Variants in NDST3 observed in about 807,000 individuals in gnomAD.
The protein encoded by NDST3 is bifunctional heparan sulfate N-deacetylase/N-sulfotransferase 3.
In NDST3, 58 loss-of-function variants were observed where a neutral mutation model predicts 96.1. That is an observed-to-expected ratio of 0.60 (90% CI 0.49 to 0.75). The LOEUF (loss-of-function observed/expected upper bound fraction) is 0.75. Ranked by LOEUF, NDST3 falls within the 30% of genes least tolerant of loss-of-function variation. The probability of loss-of-function intolerance (pLI) is 0.00; values close to 1 mark genes in which losing one functional copy is unlikely to be tolerated. For synonymous variants in NDST3, 333 were observed against 359.7 expected, an observed-to-expected ratio of 0.93 and a Z score of 0.84; for missense variants, 788 against 1,034.2, an observed-to-expected ratio of 0.76 and a Z score of 3.27.
At chr4:118,254,822 T>C (rs1412063056) in intron 13 of NDST3, among the ~76,000 whole-genome samples, 1 of 152,192 alleles carries the variant, frequency 6.6e-6, no homozygotes, top group East Asian at 1.9e-4. Flanking sequence ...TTTTTGTGCC[T>C]TGCCTGATAG....
intron 3 of NDST3, among the ~76,000 whole-genome samples, chr4:118,106,911 A>G (rs1422557696): frequency 1.3e-5 from 2 of 152,158 alleles, no homozygotes; most frequent in Non-Finnish European, 2.9e-5. Context: ...TAACACAGTG[A>G]AAACCTGTCT....
chr4:118,157,598 AT>A (rs1314753893), intron 6 of NDST3, among the ~76,000 whole-genome samples: 2 of 151,862 alleles, frequency 1.3e-5, no homozygotes, highest in African/African-American at 4.8e-5. Flanking sequence ...AATTTTTTGT[AT>A]TTTTAGTAGA....
chr4:118,065,887 T>C (rs886661488), intron 2 of NDST3, among the ~76,000 whole-genome samples: 2 of 150,452 alleles, frequency 1.3e-5, no homozygotes, highest in African/African-American at 2.4e-5. Context: ...ATCTTTATTT[T>C]ATGTAACTTC....
intron 2 of NDST3, among the ~76,000 whole-genome samples, chr4:118,102,772 A>G (rs1729867679): frequency 6.6e-6 from 1 of 152,144 alleles, no homozygotes; most frequent in Non-Finnish European, 1.5e-5. Context: ...TCTGGTTTAC[A>G]AAAACAACAT....
At chr4:118,153,087 A>T (rs868855884) in intron 6 of NDST3, among the ~76,000 whole-genome samples, 4 of 152,190 alleles carry the variant, frequency 2.6e-5, no homozygotes, top group African/African-American at 9.7e-5. Flanking sequence ...ATCTATCTTG[A>T]TCTGAATCCT....
chr4:118,087,050 T>A (rs1728481032), intron 2 of NDST3, among the ~76,000 whole-genome samples: 1 of 152,124 alleles, frequency 6.6e-6, no homozygotes, highest in Non-Finnish European at 1.5e-5. Flanking sequence ...ATTTTTAGTT[T>A]TTTTTTGTTT....
chr4:118,225,487 T>C (rs1014734286), intron 7 of NDST3, among the ~76,000 whole-genome samples: 4 of 152,182 alleles, frequency 2.6e-5, no homozygotes, highest in Admixed American at 6.6e-5. Flanking sequence ...ATGAAGAAAC[T>C]GAAGCACAGA....
At chr4:118,240,487 G>A in intron 10 of NDST3, 37 bp from the exon 11 acceptor site, 2 of 1,531,640 alleles carry the variant, frequency 1.3e-6, no homozygotes, top group Non-Finnish European at 1.8e-6. Context: ...TATGCCTACG[G>A]TTCAGATTAG....
intron 4 of NDST3, among the ~76,000 whole-genome samples, chr4:118,115,691 T>C (rs529958540): frequency 6.6e-6 from 1 of 152,320 alleles, no homozygotes; most frequent in East Asian, 1.9e-4. Flanking sequence ...AAAAATGTGC[T>C]TGTGATCAGA....
chr4:118,222,721 G>A (rs1739632831), intron 6 of NDST3, among the ~76,000 whole-genome samples: 1 of 151,982 alleles, frequency 6.6e-6, no homozygotes, highest in African/African-American at 2.4e-5. Flanking sequence ...TCAGTTTCAT[G>A]AAAAGCAATG....
intron 6 of NDST3, among the ~76,000 whole-genome samples, chr4:118,192,660 A>G (rs1035326783): frequency 6.6e-6 from 1 of 151,260 alleles, no homozygotes; most frequent in African/African-American, 2.4e-5. Flanking sequence ...TTTAATGCCA[A>G]CAACATGCTG....
intron 1 of NDST3, among the ~76,000 whole-genome samples, chr4:118,047,710 T>G (rs1724849649): frequency 6.6e-6 from 1 of 152,092 alleles, no homozygotes; most frequent in African/African-American, 2.4e-5. Context: ...AGAAAAATAA[T>G]TGTTAGAAAT....
At chr4:118,212,768 T>C (rs1446968175) in intron 6 of NDST3, among the ~76,000 whole-genome samples, 1 of 152,152 alleles carries the variant, frequency 6.6e-6, no homozygotes, top group Non-Finnish European at 1.5e-5. Context: ...CTCCAAAGTA[T>C]AAGTATACTC....
At chr4:118,230,500 GGC>G (rs1456756723) in intron 8 of NDST3, among the ~76,000 whole-genome samples, 56 of 152,148 alleles carry the variant, frequency 3.7e-4, no homozygotes, top group Non-Finnish European at 7.4e-5. Context: ...GCGTGAACCC[GGC>G]GGGCGGAGCT....
intron 10 of NDST3, among the ~76,000 whole-genome samples, chr4:118,239,491 T>A (rs1481138441): frequency 6.6e-6 from 1 of 152,144 alleles, no homozygotes; most frequent in Non-Finnish European, 1.5e-5. Flanking sequence ...TACAGCAAAT[T>A]GCAAATTGCC....
In NDST3 at chr4:118,132,555, C is replaced by T. The variant is rs561911196; in HGVS notation, c.1225-5499C>T. 6.8e-4 allele frequency among the ~76,000 whole-genome samples: 103 copies of T among 152,236 alleles called. 1 individual carries two copies. The highest frequency in any genetic ancestry group is 2.2e-3 in the African/African-American group (93 of 41,562). The stretch of plus-strand genomic sequence containing the variant: ...CCCCAAGAGCCTGCTTGTTGCTCTA[C>T]CCCACTGTGGCCAAGCTGGTACATA... On this transcript the variant is annotated intron_variant, in intron 4 of 13. Transcript: ENST00000296499.
rs1223186061 is a variant in NDST3, at chr4:118,233,090, A to T, written c.1898A>T (p.Glu633Val). 1 of 1,612,946 alleles carries T rather than the reference A, an allele frequency of 6.2e-7. No individual in the cohort carries two copies. Among genetic ancestry groups the T allele is most frequent in the Non-Finnish European group, 8.5e-7 (1 of 1,179,012 alleles). ...TCCCCCAGCCCAAAAACCTTTGAGG[A>T]GGTACAGTTCTTTAATAGAAATAAC... ...SNSPSPKTFE[E>V]VQFFNRNNYH... Residue 633 changes from glutamate to valine, a missense_variant, in exon 9 of 14, where the codon GAG becomes GTG. By Grantham distance (121) the Glu-to-Val change is moderately radical. Around this residue, in one of 3 missense-constraint regions of NDST3, gnomAD observed 490 missense variants for 708.8 expected, o/e 0.69. Transcript: ENST00000296499.
At position 118,054,214 on chromosome 4, in the gene NDST3, A is replaced by C; in HGVS notation, c.304A>C (p.Ser102Arg). The change falls in exon 2 of 14, where the codon AGT becomes CGT. Residue 102 changes from serine to arginine, a missense_variant. By Grantham distance (110) the Ser-to-Arg change is moderately radical (BLOSUM62 -1). This residue lies in a region of NDST3 where 234 missense variants were observed against 256.9 expected (regional missense o/e 0.91). Transcript: ENST00000296499. ...AGACATCATTATGATTCTAGAATCA[A>C]GTAGATTCCAGTATCACATTGAAAT... The part of the protein sequence containing the change: ...GQDIIMILES[S>R]RFQYHIEIAP... 1 of 1,613,002 alleles carries C rather than the reference A, an allele frequency of 6.2e-7. No individual in the cohort carries two copies. The highest frequency in any genetic ancestry group is 8.5e-7 in the Non-Finnish European group (1 of 1,179,370).
intron 6 of NDST3, among the ~76,000 whole-genome samples, chr4:118,165,322 CA>C (rs1021804733): frequency 2.0e-5 from 3 of 151,298 alleles, no homozygotes; most frequent in South Asian, 2.1e-4. Context: ...AACTGTCACA[CA>C]AAAAAAGAAG....
Sources: gnomAD v4.1 joint callset for allele counts (sites outside exome capture counted in the v4.1 genomes callset) on GRCh38, gnomAD v4.1.1 for gene constraint, gnomAD v4.1.1 regional missense constraint, MANE v1.5 for transcripts, NCBI Gene and HGNC (gene_info 2026-07-23, HGNC 2026-07-21) for gene names.